Variants in PANK4 observed in about 807,000 individuals in gnomAD.
PANK4 encodes pantothenate kinase 4 (inactive), also known as 4'-phosphopantetheine phosphatase.
In PANK4, 40 loss-of-function variants were observed where a neutral mutation model predicts 87.9. The ratio of observed to expected loss-of-function variants is 0.46; its 90% CI spans 0.35 to 0.59. PANK4 has a LOEUF of 0.59. Ranked by LOEUF, PANK4 falls within the 20% of genes least tolerant of loss-of-function variation. The pLI, the probability that PANK4 is intolerant of heterozygous loss-of-function variation, is 0.00. For missense variants in PANK4, 926 were observed against 1,072.3 expected (o/e 0.86, Z 1.90); for synonymous variants, 524 against 467.4 (o/e 1.12, Z -1.56).
Position 2,510,457 on chromosome 1 carries a change from C to T in PANK4, c.1938+221G>A, listed in dbSNP as rs1643642095. On this transcript the variant is annotated intron_variant, in intron 16 of 18. Coordinates refer to ENST00000378466, the MANE Select transcript of PANK4 (RefSeq NM_018216.4). This position sits in a 1 kb window ranked among gnomAD's most constrained non-coding sequence, Gnocchi z 4.9. ...CACCCTTCCAGGAGCCTGGCGTCAA[C>T]CCTGGGCTTCAGCACATGGACCCTC... The T allele has an allele frequency of 1.7e-6, 1 of 598,654 alleles. No homozygotes were observed. The highest frequency in any genetic ancestry group is 3.0e-6 in the Non-Finnish European group (1 of 336,242). 37.1% of individuals were successfully genotyped at this position (598,654 alleles called of 1,614,324 possible).
Position 2,509,726 on chromosome 1 carries a change from C to T in PANK4, c.2108+136G>A, listed in dbSNP as rs1643627010. The stretch of plus-strand genomic sequence containing the variant: ...TGGCATATCTGTCCCCTCCTGAGAT[C>T]AATCCGGGCCTGGGGTCAGGAGAGG... On this transcript the variant is annotated intron_variant, in intron 18 of 18. Coordinates refer to ENST00000378466, the MANE Select transcript of PANK4 (RefSeq NM_018216.4). The surrounding 1 kb of genome is among the most constrained non-coding windows in gnomAD (Gnocchi z 4.9). 1 of 734,426 alleles carries T rather than the reference C, an allele frequency of 1.4e-6. No individual in the cohort carries two copies. The highest frequency in any genetic ancestry group is 2.4e-6 in the Non-Finnish European group (1 of 421,470). The allele number at this position is 734,426 out of a possible 1,614,324, so 45.5% of individuals were successfully genotyped here. A position where few individuals can be genotyped will look rare whatever the true frequency, so the allele number is the denominator to read the frequency against.
At chr1:2,521,477 G>T in intron 2 of PANK4, 162 bp from the exon 3 acceptor site, 1 of 715,898 alleles carries the variant, frequency 1.4e-6, no homozygotes, top group Non-Finnish European at 2.4e-6. Context: ...GGACCGTGGC[G>T]ACCTCAGGGC....
rs199996171 is a variant in PANK4 at position 2,520,938 on chromosome 1, C to A, written c.423-32G>T. The A allele has an allele frequency of 2.6e-6, 4 of 1,539,546 alleles. No homozygotes were observed. The Admixed American group carries it at 7.9e-5, about 30-fold the overall frequency. On this transcript the variant is annotated intron_variant, in intron 3 of 18. Coordinates refer to ENST00000378466, the MANE Select transcript of PANK4 (RefSeq NM_018216.4). This position sits in a 1 kb window ranked among gnomAD's most constrained non-coding sequence, Gnocchi z 6.2. ...AGGAAGCGCCAACCCCTTAAAGAGT[C>A]TGGGCCACAGACAGGTGCAACCATG... is the stretch of plus-strand genomic sequence containing the variant.
chr1:2,513,103 G>C (rs1248370241), intron 12 of PANK4, 64 bp from the exon 13 acceptor site: 3 of 1,494,496 alleles, frequency 2.0e-6, no homozygotes, highest in African/African-American at 1.4e-5. Context: ...CTGGACACCT[G>C]CCAGGCGCAG....
chr1:2,512,521 C>T, intron 13 of PANK4: 1 of 231,488 alleles, frequency 4.3e-6, no homozygotes, highest in South Asian at 9.1e-5. Context: ...GACTGCTTTG[C>T]AAAGCACCCT....
At chr1:2,517,620 G>A (rs377057705) in intron 9 of PANK4, among the ~76,000 whole-genome samples, 5 of 152,328 alleles carry the variant, frequency 3.3e-5, no homozygotes, top group Admixed American at 1.3e-4. Context: ...GCTCCAACTC[G>A]GCAGACATGG....
At chr1:2,511,522 A>G (rs1415302223) in intron 14 of PANK4, 106 bp downstream of exon 14, 11 of 1,071,352 alleles carry the variant, frequency 1.0e-5, no homozygotes, top group Non-Finnish European at 1.5e-5. Context: ...AGCCTTGAGC[A>G]GGGGAGGTGC....
Position 2,510,216 on chromosome 1 carries a change from G to A in PANK4, c.1939-59C>T, listed in dbSNP as rs1643637835. ...TGTGCTGGCCCAGCATGGAGCCTGC[G>A]TGCACCCCGGCCTTCGAGTGGCTGG... On this transcript the variant is annotated intron_variant, in intron 16 of 18. Transcript: ENST00000378466. The surrounding 1 kb of genome is among the most constrained non-coding windows in gnomAD (Gnocchi z 4.9). 6.3e-6 allele frequency: 7 copies of A among 1,113,426 alleles called. No individual in the cohort carries two copies. The highest frequency in any genetic ancestry group is 2.6e-5 in the East Asian group (1 of 38,922). 69.0% of individuals were successfully genotyped at this position (1,113,426 alleles called of 1,614,324 possible).
chr1:2,508,925 G>C lies in PANK4; in HGVS notation c.2244C>G (p.Ile748Met). The part of the protein sequence containing the change: ...LRCESLKLAV[I>M]KNAWLAERLG... ...GCCGCTCGGCCAGCCACGCGTTCTT[G>C]ATGACGGCCAGCTTGAGGCTCTCGC... Residue 748 changes from isoleucine to methionine, a missense_variant, in exon 19 of 19, where the codon ATC becomes ATG. Coordinates refer to ENST00000378466, the MANE Select transcript of PANK4 (RefSeq NM_018216.4). This position sits in a 1 kb window ranked among gnomAD's most constrained non-coding sequence, Gnocchi z 5.1. 6.2e-7 allele frequency: 1 copy of C among 1,610,884 alleles called. No individual in the cohort carries two copies. Among genetic ancestry groups the C allele is most frequent in the Non-Finnish European group, 8.5e-7 (1 of 1,179,134 alleles).
chr1:2,518,791 G>A (rs1230377072), intron 7 of PANK4, among the ~76,000 whole-genome samples, 194 bp from the exon 8 acceptor site: 1 of 152,256 alleles, frequency 6.6e-6, no homozygotes, highest in Non-Finnish European at 1.5e-5. Flanking sequence ...AGAAAGCTAA[G>A]GGTGAGATAG....
Position 2,513,486 on chromosome 1 carries a change from G to T in PANK4, c.1576-447C>A, listed in dbSNP as rs149989991. Among the ~76,000 whole-genome samples, 700 of 152,362 alleles carry T rather than the reference G, an allele frequency of 4.6e-3. 3 individuals are homozygous for T. Among genetic ancestry groups the T allele is most frequent in the Admixed American group, 8.3e-3 (127 of 15,308 alleles). On this transcript the variant is annotated intron_variant, in intron 12 of 18. Transcript: ENST00000378466. ...GCAGAAAGGGCCAAGGAGGGCTCTGGCCGCCAGACTTGGGGAAGCAAAACG... is the reference window on the plus strand; with the variant it reads ...GCAGAAAGGGCCAAGGAGGGCTCTGTCCGCCAGACTTGGGGAAGCAAAACG...
intron 10 of PANK4, 67 bp from the exon 11 acceptor site, chr1:2,514,533 A>T (rs1643726391): frequency 9.0e-6 from 6 of 665,818 alleles, no homozygotes; most frequent in South Asian, 3.0e-5. Flanking sequence ...CCCACGTGAC[A>T]GCAGGGGGCT....
Position 2,510,675 on chromosome 1 carries a change from C to T in PANK4, c.1938+3G>A, listed in dbSNP as rs748543167. ...GGGCCCCACCCACCACCTCAACACTCACCTCTGTCCCTCTAAGGAGTAGCT... is the reference window on the plus strand; with the variant it reads ...GGGCCCCACCCACCACCTCAACACTTACCTCTGTCCCTCTAAGGAGTAGCT... On this transcript the variant is annotated splice_donor_region_variant and intron_variant, in intron 16 of 18. Coordinates refer to ENST00000378466, the MANE Select transcript of PANK4 (RefSeq NM_018216.4). The surrounding 1 kb of genome is among the most constrained non-coding windows in gnomAD (Gnocchi z 4.9). 6.4e-7 allele frequency: 1 copy of T among 1,552,382 alleles called. No homozygotes were observed.
chr1:2,512,723 G>A (rs532886535), intron 13 of PANK4, 165 bp downstream of exon 13: 2 of 684,392 alleles, frequency 2.9e-6, no homozygotes. Flanking sequence ...CCCAGCCCCT[G>A]GCGCTGCTGC....
chr1:2,510,631 G>A lies in PANK4; in HGVS notation c.1938+47C>T. 1 of 1,155,900 alleles carries A rather than the reference G, an allele frequency of 8.7e-7. No homozygotes were observed. Among genetic ancestry groups the A allele is most frequent in the Non-Finnish European group, 1.3e-6 (1 of 770,496 alleles). The allele number at this position is 1,155,900 out of a possible 1,614,324, so 71.6% of individuals were successfully genotyped here. A position where few individuals can be genotyped will look rare whatever the true frequency, so the allele number is the denominator to read the frequency against. Reference sequence around the variant, plus strand: ...CACAGCGGCGCCAACCCCACCGAGAGCAGAGAAGCCCAGGGGAAGGGCCCC... The same window carrying A: ...CACAGCGGCGCCAACCCCACCGAGAACAGAGAAGCCCAGGGGAAGGGCCCC... On this transcript the variant is annotated intron_variant, in intron 16 of 18. Transcript: ENST00000378466. The surrounding 1 kb of genome is among the most constrained non-coding windows in gnomAD (Gnocchi z 4.9).
rs1243533484 is a variant in PANK4, at chr1:2,519,969, G to A, written c.700-15C>T. 13 of 1,538,720 alleles carry A rather than the reference G, an allele frequency of 8.4e-6. No individual in the cohort carries two copies. Among genetic ancestry groups the A allele is most frequent in the African/African-American group, 1.4e-5 (1 of 73,416 alleles). On this transcript the variant is annotated splice_polypyrimidine_tract_variant and intron_variant, in intron 5 of 18. Transcript: ENST00000378466. This position sits in a 1 kb window ranked among gnomAD's most constrained non-coding sequence, Gnocchi z 8.3. Reference sequence around the variant, plus strand: ...TCGTCAAACTTCTGCAGGACACGGCGAGGGGGCGGGTGAGGCGCCAGGAGC... The same window carrying A: ...TCGTCAAACTTCTGCAGGACACGGCAAGGGGGCGGGTGAGGCGCCAGGAGC...
At position 2,515,470 on chromosome 1, in the gene PANK4, C is replaced by A; in HGVS notation, c.1374+92G>T. ...GGTTTCTGGACAACACTGGCCTGTC[C>A]CCCTTCGCCACCTTGGCTTTGCCCC... is the stretch of plus-strand genomic sequence containing the variant. On this transcript the variant is annotated intron_variant, in intron 10 of 18. Transcript: ENST00000378466. The surrounding 1 kb of genome is among the most constrained non-coding windows in gnomAD (Gnocchi z 5.0). The A allele has an allele frequency of 2.2e-6, 3 of 1,371,636 alleles. No homozygotes were observed. In the South Asian group the frequency reaches 3.5e-5, roughly 16 times the overall value. 85.0% of individuals were successfully genotyped at this position (1,371,636 alleles called of 1,614,324 possible).
rs1643746103 is a variant in PANK4, at chr1:2,515,201, G to T, written c.1374+361C>A. 1 of 441,732 alleles carries T rather than the reference G, an allele frequency of 2.3e-6. No individual in the cohort carries two copies. Among genetic ancestry groups the T allele is most frequent in the Non-Finnish European group, 4.5e-6 (1 of 222,142 alleles). 27.4% of individuals were successfully genotyped at this position (441,732 alleles called of 1,614,324 possible). ...CTCGCCGGGAGCTTGCTGGGGCTGA[G>T]TCTCACCCCACCCCCAGAGTCAGGG... On this transcript the variant is annotated intron_variant, in intron 10 of 18. Transcript: ENST00000378466. This position sits in a 1 kb window ranked among gnomAD's most constrained non-coding sequence, Gnocchi z 5.0.
intron 13 of PANK4, among the ~76,000 whole-genome samples, chr1:2,512,184 C>A (rs1011707321): frequency 1.3e-5 from 2 of 152,102 alleles, no homozygotes; most frequent in African/African-American, 4.8e-5. Context: ...TGGGTCAGGA[C>A]CCTCCTCCAA....
Sources: gnomAD v4.1 joint callset for allele counts (sites outside exome capture counted in the v4.1 genomes callset) on GRCh38, gnomAD v4.1.1 for gene constraint, Gnocchi (gnomAD v3.1) non-coding constraint, MANE v1.5 for transcripts, NCBI Gene and HGNC (gene_info 2026-07-23, HGNC 2026-07-21) for gene names.